FOCAD: variants seen among roughly 807,000 people sequenced by gnomAD.
FOCAD encodes the protein KIAA1797.
A neutral mutation model predicts 225.6 loss-of-function variants in FOCAD; 198 were observed. That is an observed-to-expected ratio of 0.88 (90% CI 0.78 to 0.99). FOCAD has a LOEUF of 0.99. Ranked by LOEUF, FOCAD falls within the 50% of genes least tolerant of loss-of-function variation. The pLI, the probability that FOCAD is intolerant of heterozygous loss-of-function variation, is 0.00. For missense variants in FOCAD, 2,713 were observed against 2,123.6 expected (o/e 1.28, Z -5.46); for synonymous variants, 897 against 755.0 (o/e 1.19, Z -3.08).
At chr9:20,761,794 T>G in intron 6 of FOCAD, among the ~76,000 whole-genome samples, 1 of 152,222 alleles carries the variant, frequency 6.6e-6, no homozygotes, top group East Asian at 1.9e-4. Context: ...AACTTAAATA[T>G]AAAAGACTTG....
intron 11 of FOCAD, among the ~76,000 whole-genome samples, chr9:20,818,443 C>A (rs1334805122): frequency 6.6e-6 from 1 of 151,966 alleles, no homozygotes; most frequent in African/African-American, 2.4e-5. Flanking sequence ...TAGTCTACCC[C>A]AATGTTACAA....
At chr9:20,995,530 G>A (rs924725657) in intron 43 of FOCAD, 26 bp from the exon 44 acceptor site, 2 of 1,593,056 alleles carry the variant, frequency 1.3e-6, no homozygotes, top group Admixed American at 3.3e-5. Context: ...TTCAAATGCA[G>A]CCATACCTAT....
At chr9:20,947,842 A>G (rs4977843) in intron 30 of FOCAD, among the ~76,000 whole-genome samples, 54,779 of 151,976 alleles carry the variant, frequency 0.36, 10,257 homozygotes, top group East Asian at 0.43. Context: ...ATACCCGCTC[A>G]CTTACATTCA....
intron 1 of FOCAD, among the ~76,000 whole-genome samples, chr9:20,710,229 ATTTT>A (rs749860355): frequency 2.9e-5 from 3 of 102,286 alleles, no homozygotes; most frequent in Admixed American, 2.2e-4. Context: ...AGTAGCTGAG[ATTTT>A]TTTTTTTTTT....
At chr9:20,850,735 A>T (rs1462260167) in intron 15 of FOCAD, among the ~76,000 whole-genome samples, 1 of 151,340 alleles carries the variant, frequency 6.6e-6, no homozygotes, top group Non-Finnish European at 1.5e-5. Context: ...GAAATTAAAA[A>T]GACACAACAG....
chr9:20,787,889 A>G (rs1400586976), intron 10 of FOCAD, among the ~76,000 whole-genome samples: 1 of 152,088 alleles, frequency 6.6e-6, no homozygotes, highest in Non-Finnish European at 1.5e-5. Context: ...GAATCTTTTT[A>G]TATCAATACA....
intron 29 of FOCAD, among the ~76,000 whole-genome samples, chr9:20,945,534 G>T (rs1353277310): frequency 6.6e-6 from 1 of 152,206 alleles, no homozygotes; most frequent in Non-Finnish European, 1.5e-5. Flanking sequence ...TCAGCAATAG[G>T]ACTTGTTGAA....
At chr9:20,947,981 A>G (rs1837339098) in intron 30 of FOCAD, among the ~76,000 whole-genome samples, 1 of 151,980 alleles carries the variant, frequency 6.6e-6, no homozygotes, top group African/African-American at 2.4e-5. Flanking sequence ...TAACCTCTTC[A>G]AATTGTTTGA....
chr9:20,966,494 C>CAA (rs1839267167), intron 35 of FOCAD, among the ~76,000 whole-genome samples: 2 of 152,052 alleles, frequency 1.3e-5, no homozygotes, highest in Admixed American at 1.3e-4. Context: ...TGATAATACC[C>CAA]TTTAATGAAC....
intron 6 of FOCAD, among the ~76,000 whole-genome samples, chr9:20,764,228 T>A (rs951728241): frequency 2.0e-5 from 3 of 152,206 alleles, no homozygotes; most frequent in African/African-American, 7.2e-5. Context: ...GAGGTGATCC[T>A]GACATCTGTA....
chr9:20,801,243 A>C (rs1821796874), intron 11 of FOCAD, among the ~76,000 whole-genome samples: 1 of 152,174 alleles, frequency 6.6e-6, no homozygotes. Flanking sequence ...CAAAGTGAAA[A>C]GCGTTACATG....
intron 15 of FOCAD, among the ~76,000 whole-genome samples, chr9:20,845,071 T>A (rs962111730): frequency 6.6e-6 from 1 of 152,134 alleles, no homozygotes; most frequent in Non-Finnish European, 1.5e-5. Flanking sequence ...TTATGAGACT[T>A]CAGTGTCTGC....
At chr9:20,663,639 A>G (rs1003421349) in intron 2 of FOCAD, among the ~76,000 whole-genome samples, 2 of 152,214 alleles carry the variant, frequency 1.3e-5, no homozygotes, top group Non-Finnish European at 2.9e-5. Flanking sequence ...AAAGAATTCA[A>G]TATAGTTGCC....
rs552374270 is a variant in FOCAD, at chr9:20,737,117, G to A, written c.288-3119G>A. 5.9e-5 allele frequency among the ~76,000 whole-genome samples: 9 copies of A among 152,114 alleles called. No homozygotes were observed. In the South Asian group the frequency reaches 1.7e-3, roughly 28 times the overall value. On this transcript the variant is annotated intron_variant, in intron 4 of 43. Coordinates refer to ENST00000338382, the MANE Select transcript of FOCAD (RefSeq NM_001375567.1). ...TTGCTGAAAATACAGCATTGACTCC[G>A]TTATCTACACAATAAAATCTGGATC...
intron 23 of FOCAD, among the ~76,000 whole-genome samples, chr9:20,913,628 G>T (rs1421520882): frequency 6.6e-6 from 1 of 152,106 alleles, no homozygotes; most frequent in East Asian, 1.9e-4. Flanking sequence ...TTTAATTATA[G>T]GTTTTCATTT....
chr9:20,862,256 A>G (rs1828839099), intron 15 of FOCAD, among the ~76,000 whole-genome samples: 1 of 151,978 alleles, frequency 6.6e-6, no homozygotes, highest in African/African-American at 2.4e-5. Flanking sequence ...TTCTTCAACA[A>G]TGCATATAGC....
chr9:20,969,553 T>G (rs1377874349), intron 35 of FOCAD, among the ~76,000 whole-genome samples: 1 of 152,084 alleles, frequency 6.6e-6, no homozygotes, highest in Admixed American at 6.6e-5. Flanking sequence ...TCTGCTCTTA[T>G]AAAGTTCTAT....
At chr9:20,837,177 T>C (rs561698169) in intron 15 of FOCAD, among the ~76,000 whole-genome samples, 1 of 152,188 alleles carries the variant, frequency 6.6e-6, no homozygotes, top group Admixed American at 6.6e-5. Flanking sequence ...TTATTTTGTG[T>C]CTCAAGGCTT....
chr9:20,815,124 T>TGG (rs1491580501), intron 11 of FOCAD, among the ~76,000 whole-genome samples: 1 of 28,826 alleles, frequency 3.5e-5, no homozygotes, highest in Non-Finnish European at 7.1e-5. Context: ...CTTCTCTTTG[T>TGG]TTTTTTTTTT....
Sources: allele counts gnomAD v4.1 joint callset (sites outside exome capture counted in the v4.1 genomes callset), GRCh38; gene constraint gnomAD v4.1.1; transcripts MANE v1.5; gene names NCBI Gene and HGNC (gene_info 2026-07-23, HGNC 2026-07-21).